Variants in DACT1 observed in about 807,000 individuals in gnomAD.
DACT1 encodes dishevelled binding antagonist of beta catenin 1, also known as dapper homolog 1.
DACT1 carries 19 observed loss-of-function variants against 35.3 expected under a neutral mutation model. The observed-to-expected ratio is 0.54, with a 90% CI of 0.38 to 0.79. The LOEUF (loss-of-function observed/expected upper bound fraction) is 0.79. Among genes scored for constraint, DACT1 ranks in the 30% least tolerant of loss-of-function variants. The pLI is 0.00. For synonymous variants in DACT1, 545 were observed against 466.7 expected (o/e 1.17, Z -2.16); for missense variants, 1,143 against 1,057.5 (o/e 1.08, Z -1.12).
At chr14:58,634,627 G>A (rs1227387736), upstream of DACT1, among the ~76,000 whole-genome samples, 4 of 152,090 alleles carry the variant, frequency 2.6e-5, no homozygotes, top group African/African-American at 4.8e-5. Flanking sequence ...CCTCCTATTC[G>A]GAGACAGCTT....
In DACT1 at chr14:58,638,189, C is replaced by T; in HGVS notation, c.-14C>T. ...CCGGCTGCGGTGACGGCTCTCGCTG[C>T]CCGACTGGGGGCCATGAAGCCGAGT... On this transcript the variant is annotated 5_prime_UTR_variant, in exon 1 of 4. Transcript: ENST00000395153. 1 of 1,299,036 alleles carries T rather than the reference C, an allele frequency of 7.7e-7. No individual in the cohort carries two copies. The allele number at this position is 1,299,036 out of a possible 1,614,324, so 80.5% of individuals were successfully genotyped here.
At position 58,638,495 on chromosome 14, in the gene DACT1, G is replaced by C; in HGVS notation, c.293G>C (p.Arg98Pro). ...ELLGEAAQRS[R>P]LEEKFLEENI... is the part of the protein sequence containing the mutation. ...CTGGGGGAGGCGGCGCAGCGCAGTC[G>C]CCTGGAGGAGAAGTTCTTGGAGGAG... Residue 98 changes from arginine (R) to proline (P), a missense_variant, in exon 1 of 4, where the codon CGC becomes CCC. By Grantham distance (103) the Arg-to-Pro change is moderately radical (BLOSUM62 -2). Coordinates refer to ENST00000395153, the MANE Select transcript of DACT1 (RefSeq NM_001079520.2). 7.4e-7 allele frequency: 1 copy of C among 1,359,154 alleles called. No individual in the cohort carries two copies. The highest frequency in any genetic ancestry group is 9.5e-7 in the Non-Finnish European group (1 of 1,050,332). 84.2% of individuals were successfully genotyped at this position (1,359,154 alleles called of 1,614,324 possible).
chr14:58,646,134 A>T lies in DACT1; in HGVS notation c.1400A>T (p.Gln467Leu). 6.2e-7 allele frequency: 1 copy of T among 1,613,710 alleles called. No homozygotes were observed. The highest frequency in any genetic ancestry group is 8.5e-7 in the Non-Finnish European group (1 of 1,179,900). The change falls in exon 4 of 4, where the codon CAG becomes CTG. Residue 467 changes from glutamine (Q) to leucine (L), a missense_variant. Transcript: ENST00000395153. ...CCGCCGCAGGAGAACAAAGTTGTAC[A>T]GCCCCTGAAAAAGATGTCACAGAAA... Reference protein sequence around the residue: ...PAPPQENKVVQPLKKMSQKNS... With the variant: ...PAPPQENKVVLPLKKMSQKNS...
At chr14:58,639,377 C>A (rs959605467) in intron 1 of DACT1, 2 of 601,586 alleles carry the variant, frequency 3.3e-6, no homozygotes, top group African/African-American at 2.0e-5. Context: ...AGCTTTTGAC[C>A]CCGCCTCAGA....
intron 3 of DACT1, 41 bp from the exon 4 acceptor site, chr14:58,645,328 C>A: frequency 6.2e-7 from 1 of 1,614,170 alleles, no homozygotes; most frequent in South Asian, 1.1e-5. Flanking sequence ...TTTGCCGTTC[C>A]CTCTCCACAC....
Position 58,646,724 on chromosome 14 carries a change from A to G in DACT1, c.1990A>G (p.Asn664Asp). The G allele has an allele frequency of 6.2e-7, 1 of 1,613,436 alleles. No individual in the cohort carries two copies. Among genetic ancestry groups the G allele is most frequent in the East Asian group, 2.2e-5 (1 of 44,856 alleles). ...LRRARRGRRE[N>D]VGLYPAPVPL... ...GAGGGCCCGGCGCGGTCGCCGGGAG[A>G]ATGTGGGGCTGTACCCCGCGCCTGT... Residue 664 changes from asparagine (N) to aspartate (D), a missense_variant, in exon 4 of 4, where the codon AAT (asparagine) becomes GAT (aspartate). Transcript: ENST00000395153.
Position 58,638,017 on chromosome 14 carries a change from C to T in DACT1, c.-186C>T. 1 of 475,450 alleles carries T rather than the reference C, an allele frequency of 2.1e-6. No homozygotes were observed. Among genetic ancestry groups the T allele is most frequent in the South Asian group, 1.0e-4 (1 of 9,560 alleles). 29.5% of individuals were successfully genotyped at this position (475,450 alleles called of 1,614,324 possible). A position where few individuals can be genotyped will look rare whatever the true frequency, so the allele number is the denominator to read the frequency against. ...GCGCGGCGACAGCGGACGGCGCTGC[C>T]CGGGCCGGGACAGCAGCAGCCGGCG... On this transcript the variant is annotated 5_prime_UTR_variant, in exon 1 of 4. Transcript: ENST00000395153.
In DACT1 at chr14:58,646,894, C is replaced by T; in HGVS notation, c.2160C>T (p.Ser720=). 1.2e-6 allele frequency: 2 copies of T among 1,614,102 alleles called. No individual in the cohort carries two copies. Among genetic ancestry groups the T allele is most frequent in the South Asian group, 1.1e-5 (1 of 91,078 alleles). Residue 720 remains serine, a synonymous_variant, in exon 4 of 4, where the codon AGC becomes AGT. Transcript: ENST00000395153. The part of the protein sequence containing the change: ...SNYTTNCFGD[S]ESSVSEGEFV... ...ACACCACCAACTGCTTCGGGGACAG[C>T]GAGTCGAGTGTGAGCGAGGGCGAGT... is the stretch of plus-strand genomic sequence containing the variant.
Position 58,638,162 on chromosome 14 carries a change from G to C in DACT1, c.-41G>C. Reference sequence around the variant, plus strand: ...AGCGCCCTGCTCCTCCGCCTGGGCGGCCCGGCTGCGGTGACGGCTCTCGCT... The same window carrying C: ...AGCGCCCTGCTCCTCCGCCTGGGCGCCCCGGCTGCGGTGACGGCTCTCGCT... On this transcript the variant is annotated 5_prime_UTR_variant, in exon 1 of 4. Transcript: ENST00000395153. 7.9e-7 allele frequency: 1 copy of C among 1,266,892 alleles called. No homozygotes were observed. The highest frequency in any genetic ancestry group is 9.9e-7 in the Non-Finnish European group (1 of 1,006,736). The allele number at this position is 1,266,892 out of a possible 1,614,324, so 78.5% of individuals were successfully genotyped here. A position where few individuals can be genotyped will look rare whatever the true frequency, so the allele number is the denominator to read the frequency against.
chr14:58,647,082 A>G lies in DACT1; in HGVS notation c.2348A>G (p.Lys783Arg). ...VKIKASHNLK[K>R]KILRFRSGSL... is the part of the protein sequence containing the mutation. ...ATTAAGGCCTCACATAACCTCAAGA[A>G]GAAGATCCTCCGCTTTCGGTCTGGC... Residue 783 changes from lysine (K) to arginine (R), a missense_variant, in exon 4 of 4, where the codon AAG (lysine) becomes AGG (arginine). Lys to Arg is a conservative substitution (Grantham distance 26). Around this residue, in one of 3 missense-constraint regions of DACT1, gnomAD observed 1,054 missense variants for 958.8 expected, o/e 1.10. Transcript: ENST00000395153. The G allele has an allele frequency of 6.2e-7, 1 of 1,614,192 alleles. No homozygotes were observed. The highest frequency in any genetic ancestry group is 8.5e-7 in the Non-Finnish European group (1 of 1,180,030).
intron 1 of DACT1, among the ~76,000 whole-genome samples, chr14:58,639,930 G>A (rs561670787): frequency 1.3e-5 from 2 of 152,352 alleles, no homozygotes; most frequent in Admixed American, 1.3e-4. Context: ...TGTAAGTGGC[G>A]CATTCCTATT....
rs1165322442 is a variant in DACT1, at chr14:58,645,913, C to T, written c.1179C>T (p.Ser393=). Residue 393 remains serine (S), a synonymous_variant, in exon 4 of 4, where the codon AGC becomes AGT. Transcript: ENST00000395153. The part of the protein sequence containing the change: ...SKESKAEQAE[S]KRVPLPEGCP... Reference sequence around the variant, plus strand: ...AATCAAAGGCCGAACAAGCCGAAAGCAAGAGGGTGCCCCTGCCAGAGGGCT... The same window carrying T: ...AATCAAAGGCCGAACAAGCCGAAAGTAAGAGGGTGCCCCTGCCAGAGGGCT... 1.2e-5 allele frequency: 19 copies of T among 1,614,194 alleles called. No individual in the cohort carries two copies. Among genetic ancestry groups the T allele is most frequent in the Non-Finnish European group, 1.6e-5 (19 of 1,180,050 alleles).
chr14:58,641,835 G>A (rs2047629989), intron 3 of DACT1, 88 bp downstream of exon 3: 1 of 1,309,080 alleles, frequency 7.6e-7, no homozygotes, highest in South Asian at 1.4e-5. Flanking sequence ...CCTTTCACTG[G>A]TGGAAAAATG....
intron 3 of DACT1, 24 bp from the exon 4 acceptor site, chr14:58,645,345 T>A: frequency 6.2e-7 from 1 of 1,614,192 alleles, no homozygotes; most frequent in Middle Eastern, 1.6e-4. Context: ...ACACCACAAT[T>A]TAATTCCCTT....
In DACT1 at chr14:58,646,401, G is replaced by A. The variant is rs2047682798; in HGVS notation, c.1667G>A (p.Gly556Glu). The change falls in exon 4 of 4, where the codon GGG (glycine) becomes GAG (glutamate). Residue 556 changes from glycine (G) to glutamate (E), a missense_variant. Transcript: ENST00000395153. Reference sequence around the variant, plus strand: ...AAGCACCGCGGCCCAGCCCTCCAGGGGCTGGAGAACGGCTTGCCCACCGTC... The same window carrying A: ...AAGCACCGCGGCCCAGCCCTCCAGGAGCTGGAGAACGGCTTGCCCACCGTC... Reference protein sequence around the residue: ...SLKHRGPALQGLENGLPTVRE... With the variant: ...SLKHRGPALQELENGLPTVRE... The A allele has an allele frequency of 3.1e-6, 5 of 1,602,654 alleles. No homozygotes were observed. Among genetic ancestry groups the A allele is most frequent in the Non-Finnish European group, 4.2e-6 (5 of 1,177,144 alleles).
chr14:58,646,428 G>C lies in DACT1; in HGVS notation c.1694G>C (p.Arg565Thr). 6.3e-7 allele frequency: 1 copy of C among 1,596,006 alleles called. No homozygotes were observed. Among genetic ancestry groups the C allele is most frequent in the Non-Finnish European group, 8.5e-7 (1 of 1,174,236 alleles). The change falls in exon 4 of 4, where the codon AGG becomes ACG. Residue 565 changes from arginine to threonine, a missense_variant. Physicochemically the swap from Arg to Thr is moderately conservative, Grantham distance 71. Around this residue, in one of 3 missense-constraint regions of DACT1, gnomAD observed 1,054 missense variants for 958.8 expected, o/e 1.10. Coordinates refer to ENST00000395153, the MANE Select transcript of DACT1 (RefSeq NM_001079520.2). ...CTGGAGAACGGCTTGCCCACCGTCA[G>C]GGAGAAAACGCGGGCCGGGAGCAAG... The part of the protein sequence containing the change: ...QGLENGLPTV[R>T]EKTRAGSKKC...
In DACT1 at chr14:58,647,949, C is replaced by T. The variant is rs889097616; in HGVS notation, c.*815C>T. On this transcript the variant is annotated 3_prime_UTR_variant, in exon 4 of 4. Coordinates refer to ENST00000395153, the MANE Select transcript of DACT1 (RefSeq NM_001079520.2). ...GACATTCACTATTAATGAAGTAACC[C>T]TTGGGCATGACTCCAATCCCAGAAT... 6.0e-6 allele frequency: 1 copy of T among 167,050 alleles called. No individual in the cohort carries two copies. The highest frequency in any genetic ancestry group is 1.5e-5 in the Non-Finnish European group (1 of 68,124). The allele number at this position is 167,050 out of a possible 1,614,324, so 10.3% of individuals were successfully genotyped here. A position where few individuals can be genotyped will look rare whatever the true frequency, so the allele number is the denominator to read the frequency against.
intron 1 of DACT1, 89 bp downstream of exon 1, chr14:58,638,636 C>T: frequency 8.0e-7 from 1 of 1,249,690 alleles, no homozygotes; most frequent in Non-Finnish European, 1.0e-6. Context: ...GAGGTTGACT[C>T]TGGCTGGGGA....
rs1218537763 is a variant in DACT1, at chr14:58,641,699, C to T, written c.586C>T (p.Pro196Ser). 2 of 1,614,052 alleles carry T rather than the reference C, an allele frequency of 1.2e-6. No individual in the cohort carries two copies. Among genetic ancestry groups the T allele is most frequent in the African/African-American group, 2.7e-5 (2 of 74,916 alleles). ...SCHSSTCFCS[P>S]LEATLSLSDG... ...TCATTCCAGCACCTGCTTTTGCAGC[C>T]CCTTGGAGGCGACCTTGAGTCTCTC... Residue 196 changes from proline (P) to serine (S), a missense_variant, in exon 3 of 4, where the codon CCC becomes TCC. Coordinates refer to ENST00000395153, the MANE Select transcript of DACT1 (RefSeq NM_001079520.2).
Sources: allele counts gnomAD v4.1 joint callset (sites outside exome capture counted in the v4.1 genomes callset), GRCh38; gene constraint gnomAD v4.1.1; regional missense constraint gnomAD v4.1.1; transcripts MANE v1.5; gene names NCBI Gene and HGNC (gene_info 2026-07-23, HGNC 2026-07-21).